Variants in SCFD1 observed in about 807,000 individuals in gnomAD.
SCFD1 encodes sec1 family domain containing 1.
In SCFD1, 37 loss-of-function variants were observed where a neutral mutation model predicts 103.2. That is an observed-to-expected ratio of 0.36 (90% CI 0.28 to 0.47). The LOEUF is 0.47. SCFD1 is among the 20% of genes least tolerant of loss of function. The pLI is 1.00. For missense variants in SCFD1, 639 were observed against 761.2 expected (o/e 0.84, Z 1.89); for synonymous variants, 264 against 245.0 (o/e 1.08, Z -0.73).
chr14:30,640,016 G>A (rs970595587), intron 6 of SCFD1, 152 bp downstream of exon 6: 1 of 897,886 alleles, frequency 1.1e-6, no homozygotes, highest in Non-Finnish European at 1.6e-6. Context: ...GAGAAAACAA[G>A]GCTCAGACTG....
intron 18 of SCFD1, among the ~76,000 whole-genome samples, chr14:30,706,214 T>G (rs899989494): frequency 1.3e-5 from 2 of 152,188 alleles, no homozygotes; most frequent in African/African-American, 4.8e-5. Context: ...AAAATGTAAG[T>G]TAATGTCTTT....
In SCFD1 at chr14:30,700,237, C is replaced by T. The variant is rs763322062; in HGVS notation, c.1389C>T (p.Ser463=). 7.5e-6 allele frequency: 12 copies of T among 1,609,544 alleles called. No homozygotes were observed. In the Admixed American group the frequency reaches 1.7e-4, roughly 22 times the overall value. The change falls in exon 16 of 25, where the codon AGC becomes AGT. Residue 463 remains serine (S), a synonymous_variant. Transcript: ENST00000458591. ...KMRLFLIYYI[S]TQQAPSEADL... is the part of the protein sequence containing the mutation. The stretch of plus-strand genomic sequence containing the variant: ...GGTTGTTTCTTATCTATTATATAAG[C>T]ACACAGCAAGCACCTTCTGAGGTAT...
At chr14:30,657,741 C>T (rs1017803466) in intron 10 of SCFD1, among the ~76,000 whole-genome samples, 7 of 152,124 alleles carry the variant, frequency 4.6e-5, no homozygotes, top group Non-Finnish European at 5.9e-5. Context: ...GCTTTTAAAA[C>T]GCTTAATAAT....
At position 30,638,110 on chromosome 14, in the gene SCFD1, TC is replaced by T. The variant is rs748264189; in HGVS notation, c.313-14del. The T allele has an allele frequency of 1.3e-6, 2 of 1,578,360 alleles. No homozygotes were observed. Reference sequence around the variant, plus strand: ...TCTTTATCCTATAAGAATAAAGTTTTCATTGTATTGATAGGATCTTCGAAAT... The same window carrying T: ...TCTTTATCCTATAAGAATAAAGTTTTATTGTATTGATAGGATCTTCGAAAT... On this transcript the variant is annotated splice_polypyrimidine_tract_variant and intron_variant, in intron 4 of 24. Transcript: ENST00000458591.
At chr14:30,684,803 CTT>C (rs780577178) in intron 14 of SCFD1, among the ~76,000 whole-genome samples, 4 of 54,880 alleles carry the variant, frequency 7.3e-5, no homozygotes, top group Admixed American at 2.2e-4. Context: ...GCAATTGTTT[CTT>C]TTTTTTTTTT....
At chr14:30,623,399 A>G (rs73251145) in intron 1 of SCFD1, among the ~76,000 whole-genome samples, 2,541 of 152,310 alleles carry the variant, frequency 0.017, 91 homozygotes, top group African/African-American at 0.057. Flanking sequence ...ATAGACTTCA[A>G]TTTAGTAATG....
At chr14:30,681,206 G>A (rs1176510422) in intron 14 of SCFD1, among the ~76,000 whole-genome samples, 1 of 144,778 alleles carries the variant, frequency 6.9e-6, no homozygotes, top group Non-Finnish European at 1.5e-5. Context: ...GAGTGACAGA[G>A]TGAGACTCTG....
intron 9 of SCFD1, among the ~76,000 whole-genome samples, chr14:30,653,261 A>T (rs1886572596): frequency 1.3e-5 from 2 of 152,180 alleles, no homozygotes; most frequent in South Asian, 2.1e-4. Context: ...TGATCGCGCC[A>T]CTGCACTCCA....
chr14:30,716,462 G>A (rs1892285004), intron 20 of SCFD1, among the ~76,000 whole-genome samples: 1 of 152,146 alleles, frequency 6.6e-6, no homozygotes, highest in African/African-American at 2.4e-5. Flanking sequence ...AGACAAATGG[G>A]TCAATACCGT....
intron 17 of SCFD1, among the ~76,000 whole-genome samples, chr14:30,704,091 A>G (rs1371821142): frequency 6.6e-6 from 1 of 151,538 alleles, no homozygotes; most frequent in Non-Finnish European, 1.5e-5. Flanking sequence ...ACCTGACAAG[A>G]GGTCAGTGTG....
At chr14:30,627,739 G>C (rs1052883843) in intron 1 of SCFD1, among the ~76,000 whole-genome samples, 2 of 104,086 alleles carry the variant, frequency 1.9e-5, no homozygotes, top group Non-Finnish European at 3.5e-5. Context: ...GCGAAACTCT[G>C]TCTCAGAAAA....
chr14:30,661,182 A>G (rs1345997636), intron 10 of SCFD1, among the ~76,000 whole-genome samples: 1 of 152,178 alleles, frequency 6.6e-6, no homozygotes, highest in Non-Finnish European at 1.5e-5. Flanking sequence ...TTGACTTTGC[A>G]CACAATTTGA....
chr14:30,697,651 A>C (rs972381335), intron 15 of SCFD1, among the ~76,000 whole-genome samples: 7 of 152,204 alleles, frequency 4.6e-5, no homozygotes, highest in Admixed American at 3.3e-4. Flanking sequence ...GTAAAGGGCT[A>C]GTAGGATTCA....
intron 19 of SCFD1, among the ~76,000 whole-genome samples, chr14:30,710,854 A>C (rs988688729): frequency 1.4e-4 from 21 of 152,182 alleles, no homozygotes; most frequent in African/African-American, 5.1e-4. Flanking sequence ...ATTATGAGTA[A>C]TTTATGCCTG....
At chr14:30,701,875 T>A (rs927764225) in intron 16 of SCFD1, among the ~76,000 whole-genome samples, 1 of 152,094 alleles carries the variant, frequency 6.6e-6, no homozygotes. Context: ...ACCCCTAGAA[T>A]GAAAATGAGA....
At chr14:30,698,673 G>A (rs1363643409) in intron 15 of SCFD1, among the ~76,000 whole-genome samples, 4 of 151,888 alleles carry the variant, frequency 2.6e-5, no homozygotes, top group Non-Finnish European at 5.9e-5. Context: ...TCATAGTTGC[G>A]GCAGTTACGG....
At position 30,721,929 on chromosome 14, in the gene SCFD1, A is replaced by G. The variant is rs1047151176; in HGVS notation, c.1770+12A>G. ...ATCCATTCCAAGAGGTAAGTTTCAT[A>G]TAAAAATTCTCTGTTCCTAGAAAGG... On this transcript the variant is annotated intron_variant, in intron 22 of 24. Transcript: ENST00000458591. 1.3e-6 allele frequency: 2 copies of G among 1,593,870 alleles called. No homozygotes were observed. Among genetic ancestry groups the G allele is most frequent in the Non-Finnish European group, 1.7e-6 (2 of 1,162,606 alleles).
chr14:30,631,564 T>TA (rs1016233061), intron 3 of SCFD1, among the ~76,000 whole-genome samples: 5 of 151,876 alleles, frequency 3.3e-5, no homozygotes, highest in South Asian at 2.1e-4. Flanking sequence ...TATATTTTTT[T>TA]AAAAAAAAGG....
chr14:30,706,808 C>T (rs1369762332), intron 18 of SCFD1, among the ~76,000 whole-genome samples: 1 of 152,214 alleles, frequency 6.6e-6, no homozygotes, highest in Non-Finnish European at 1.5e-5. Context: ...CCTAGCCCCA[C>T]ACTGAGTAAC....
Sources: gnomAD v4.1 joint callset for allele counts (sites outside exome capture counted in the v4.1 genomes callset) on GRCh38, gnomAD v4.1.1 for gene constraint, MANE v1.5 for transcripts, NCBI Gene and HGNC (gene_info 2026-07-23, HGNC 2026-07-21) for gene names.